The following DOK6 variants were observed in gnomAD, a reference collection of about 807,000 sequenced individuals.
The protein encoded by DOK6 is downstream of tyrosine kinase 6.
A neutral mutation model predicts 44.0 loss-of-function variants in DOK6; 22 were observed. That is an observed-to-expected ratio of 0.50 (90% CI 0.36 to 0.71). The LOEUF is 0.71. Among genes scored for constraint, DOK6 ranks in the 30% least tolerant of loss-of-function variants. DOK6 has a pLI of 0.00. For synonymous variants in DOK6, 166 were observed against 145.5 expected, an observed-to-expected ratio of 1.14 and a Z score of -1.01; for missense variants, 340 against 416.4, an observed-to-expected ratio of 0.82 and a Z score of 1.60.
intron 7 of DOK6, among the ~76,000 whole-genome samples, chr18:69,823,627 G>T (rs1981642615): frequency 1.7e-5 from 1 of 57,974 alleles, no homozygotes; most frequent in Non-Finnish European, 4.3e-5. Context: ...GTGTGTGTTT[G>T]TGTGTGTGTG....
rs557269030 is a variant in DOK6 at position 69,459,107 on chromosome 18, C to T, written c.66+57797C>T. Reference sequence around the variant, plus strand: ...CGAGACTCCCCCCAACAACCCCCCCCCCAAAAAAAAGGAAGGAAGGAAGCA... The same window carrying T: ...CGAGACTCCCCCCAACAACCCCCCCTCCAAAAAAAAGGAAGGAAGGAAGCA... On this transcript the variant is annotated intron_variant, in intron 1 of 7. Transcript: ENST00000382713. Among the ~76,000 whole-genome samples, 5 of 139,920 alleles carry T rather than the reference C, an allele frequency of 3.6e-5. No homozygotes were observed. The Middle Eastern group carries it at 0.011, about 298-fold the overall frequency. The allele number at this position is 139,920 out of a possible 152,430, so 91.8% of individuals were successfully genotyped here.
At chr18:69,401,368 C>CT (rs1916094858) in intron 1 of DOK6, 58 bp downstream of exon 1, 1 of 1,380,812 alleles carries the variant, frequency 7.2e-7, no homozygotes, top group Admixed American at 2.6e-5. Flanking sequence ...GGCTGGCTGC[C>CT]TGGGGGGGGG....
At position 69,599,397 on chromosome 18, in the gene DOK6, A is replaced by G. The variant is rs1439639791; in HGVS notation, c.188A>G (p.His63Arg). Residue 63 changes from histidine (H) to arginine (R), a missense_variant, in exon 3 of 8, where the codon CAC becomes CGC. His to Arg is a conservative substitution (Grantham distance 29, BLOSUM62 0). Coordinates refer to ENST00000382713, the MANE Select transcript of DOK6 (RefSeq NM_152721.6). The stretch of plus-strand genomic sequence containing the variant: ...TTTTCTTTCAAGGTAACTGAACTGC[A>G]CAATATCAAAAATATAACCAGACTG... ...FRNFHKVTEL[H>R]NIKNITRLPR... 1 of 1,613,522 alleles carries G rather than the reference A, an allele frequency of 6.2e-7. No homozygotes were observed. Among genetic ancestry groups the G allele is most frequent in the Middle Eastern group, 1.7e-4 (1 of 6,052 alleles).
At chr18:69,691,863 C>A (rs867181458) in intron 4 of DOK6, among the ~76,000 whole-genome samples, 4 of 152,118 alleles carry the variant, frequency 2.6e-5, no homozygotes, top group South Asian at 2.1e-4. Context: ...AAGGCACCTC[C>A]CCTTCAGGGA....
chr18:69,818,391 A>G (rs1465744665), intron 7 of DOK6, among the ~76,000 whole-genome samples: 1 of 152,168 alleles, frequency 6.6e-6, no homozygotes, highest in African/African-American at 2.4e-5. Context: ...ATAAATATTA[A>G]GAGGCTTATT....
rs186976898 is a variant in DOK6 at position 69,813,250 on chromosome 18, G to A, written c.857-27994G>A. The stretch of plus-strand genomic sequence containing the variant: ...GTGCCCTTATCTGCCATTGTTTTAC[G>A]TAGTAATGAAAAAGGATCATACCAA... On this transcript the variant is annotated intron_variant, in intron 7 of 7. Coordinates refer to ENST00000382713, the MANE Select transcript of DOK6 (RefSeq NM_152721.6). Among the ~76,000 whole-genome samples the A allele has an allele frequency of 2.4e-3, 362 of 152,228 alleles. 2 individuals carry two copies. Among genetic ancestry groups the A allele is most frequent in the African/African-American group, 4.5e-3 (189 of 41,570 alleles).
intron 1 of DOK6, among the ~76,000 whole-genome samples, chr18:69,487,211 G>C (rs866049926): frequency 3.4e-5 from 5 of 147,812 alleles, no homozygotes; most frequent in Non-Finnish European, 6.0e-5. Flanking sequence ...GTGTGTGTGT[G>C]TGTGTGTGTG....
intron 1 of DOK6, among the ~76,000 whole-genome samples, chr18:69,473,498 C>G (rs1156968802): frequency 6.6e-6 from 1 of 152,148 alleles, no homozygotes; most frequent in East Asian, 1.9e-4. Flanking sequence ...CCTGTTAACT[C>G]AGACTCACCT....
intron 4 of DOK6, among the ~76,000 whole-genome samples, chr18:69,694,081 AAAAAAAAAAT>A (rs1986338550): frequency 6.7e-6 from 1 of 149,608 alleles, no homozygotes; most frequent in African/African-American, 2.5e-5. Context: ...AAAAAAAAAA[AAAAAAAAAAT>A]TGATCTATTT....
At chr18:69,470,867 A>C (rs72957438) in intron 1 of DOK6, among the ~76,000 whole-genome samples, 40,393 of 152,104 alleles carry the variant, frequency 0.27, 5,534 homozygotes, top group South Asian at 0.39. Context: ...GGTCCTGTTA[A>C]AGTTTTCATT....
chr18:69,485,852 A>G (rs528995956), intron 1 of DOK6, among the ~76,000 whole-genome samples: 2 of 147,900 alleles, frequency 1.4e-5, no homozygotes, highest in African/African-American at 5.0e-5. Flanking sequence ...GTATGTGTGT[A>G]TATATCCATA....
At chr18:69,716,941 A>G (rs982317908) in intron 5 of DOK6, among the ~76,000 whole-genome samples, 1 of 152,184 alleles carries the variant, frequency 6.6e-6, no homozygotes, top group Non-Finnish European at 1.5e-5. Flanking sequence ...TGTCATTTAA[A>G]TGCATGTCTG....
chr18:69,561,938 CT>C (rs1568297066), intron 1 of DOK6, among the ~76,000 whole-genome samples: 1 of 152,098 alleles, frequency 6.6e-6, no homozygotes, highest in Non-Finnish European at 1.5e-5. Context: ...AATATGACAA[CT>C]TTGCAATTTA....
intron 1 of DOK6, among the ~76,000 whole-genome samples, chr18:69,556,608 A>T (rs979239542): frequency 1.3e-4 from 20 of 152,150 alleles, no homozygotes; most frequent in African/African-American, 4.8e-4. Context: ...TTTTGTTGTT[A>T]TTATTTTATT....
chr18:69,759,975 T>G (rs2053785144), intron 7 of DOK6, among the ~76,000 whole-genome samples: 2 of 152,204 alleles, frequency 1.3e-5, no homozygotes, highest in Admixed American at 1.3e-4. Flanking sequence ...GTGTGCTTCT[T>G]AGAGCAATAC....
chr18:69,565,499 GTGTGTGTGTGTGTGTGTGTGTGTATA>G (rs1478514431), intron 2 of DOK6, among the ~76,000 whole-genome samples: 2 of 12,596 alleles, frequency 1.6e-4, no homozygotes, highest in African/African-American at 2.0e-4. Context: ...GTGTGTGTGT[GTGTGTGTGTGTGTGTGTGTGTGTATA>G]TATATATACA....
chr18:69,764,443 G>A (rs12104082), intron 7 of DOK6, among the ~76,000 whole-genome samples: 71 of 152,214 alleles, frequency 4.7e-4, no homozygotes, highest in African/African-American at 1.6e-3. Context: ...ATTAGGTAAC[G>A]GGGGCAGTTC....
intron 6 of DOK6, among the ~76,000 whole-genome samples, chr18:69,743,791 A>T (rs1978882161): frequency 6.7e-6 from 1 of 149,138 alleles, no homozygotes; most frequent in African/African-American, 2.5e-5. Context: ...GTATACAAAC[A>T]CCCTCACAAA....
At chr18:69,690,088 T>C (rs1568334417) in intron 4 of DOK6, among the ~76,000 whole-genome samples, 1 of 152,146 alleles carries the variant, frequency 6.6e-6, no homozygotes, top group East Asian at 1.9e-4. Context: ...TTTGCTGCCA[T>C]GAACATGCTT....
Sources: allele counts gnomAD v4.1 joint callset (sites outside exome capture counted in the v4.1 genomes callset), GRCh38; gene constraint gnomAD v4.1.1; transcripts MANE v1.5; gene names NCBI Gene and HGNC (gene_info 2026-07-23, HGNC 2026-07-21).